The following PCDH15 variants were observed in gnomAD, a reference collection of about 807,000 sequenced individuals.
The protein encoded by PCDH15 is protocadherin-15.
Under a neutral mutation model 178.5 loss-of-function variants are expected in PCDH15, and 129 were observed. The ratio of observed to expected loss-of-function variants is 0.72; its 90% CI spans 0.63 to 0.84. The LOEUF (loss-of-function observed/expected upper bound fraction) is 0.84. PCDH15 is among the 40% of genes least tolerant of loss of function. PCDH15 has a pLI of 0.00. For synonymous variants in PCDH15, 800 were observed against 732.0 expected (o/e 1.09, Z -1.50); for missense variants, 2,230 against 2,099.9 (o/e 1.06, Z -1.21).
intron 10 of PCDH15, among the ~76,000 whole-genome samples, chr10:54,200,211 G>A (rs1402148600): frequency 6.7e-6 from 1 of 148,854 alleles, no homozygotes; most frequent in Non-Finnish European, 1.5e-5. Flanking sequence ...TAAATTCTAG[G>A]ATAGAAGAAA....
chr10:54,873,696 T>TTTAC (rs372183535), intron 3 of PCDH15, among the ~76,000 whole-genome samples: 928 of 40,916 alleles, frequency 0.023, 14 homozygotes, highest in African/African-American at 0.095. Context: ...TGCTGTATTT[T>TTTAC]ATATATATAT....
At chr10:55,313,207 T>C (rs1015695339) in intron 1 of PCDH15, among the ~76,000 whole-genome samples, 5 of 151,962 alleles carry the variant, frequency 3.3e-5, no homozygotes, top group African/African-American at 4.8e-5. Context: ...GAGGAGAAGA[T>C]ATTGAAAAAA....
At chr10:54,744,819 G>A (rs947346516) in intron 1 of PCDH15, among the ~76,000 whole-genome samples, 26 of 152,112 alleles carry the variant, frequency 1.7e-4, no homozygotes, top group African/African-American at 6.3e-4. Context: ...TTTTGTGGCC[G>A]ATTTAAGCAG....
chr10:55,193,482 G>C (rs1289744899), intron 1 of PCDH15, among the ~76,000 whole-genome samples: 1 of 151,898 alleles, frequency 6.6e-6, no homozygotes, highest in African/African-American at 2.4e-5. Context: ...GCTTTACATT[G>C]ATTTAAAACA....
At chr10:54,326,272 T>C (rs1267608779) in intron 7 of PCDH15, among the ~76,000 whole-genome samples, 3 of 152,174 alleles carry the variant, frequency 2.0e-5, no homozygotes, top group African/African-American at 7.2e-5. Context: ...ATGAGCATCC[T>C]TCTTTATCAT....
chr10:53,968,241 G>C (rs954768109), intron 21 of PCDH15, among the ~76,000 whole-genome samples: 6 of 152,306 alleles, frequency 3.9e-5, no homozygotes, highest in East Asian at 1.9e-4. Context: ...CACCCATGAA[G>C]CCTCACTCAC....
intron 2 of PCDH15, among the ~76,000 whole-genome samples, chr10:55,554,732 G>A (rs1240036022): frequency 1.3e-5 from 2 of 151,998 alleles, no homozygotes; most frequent in Admixed American, 1.3e-4. Flanking sequence ...TAAAATGAGG[G>A]ACAACCATAT....
intron 3 of PCDH15, among the ~76,000 whole-genome samples, chr10:54,409,221 G>A (rs1440014669): frequency 6.6e-6 from 1 of 152,228 alleles, no homozygotes; most frequent in South Asian, 2.1e-4. Flanking sequence ...AAATCGTCCA[G>A]TCTCAGGTAT....
intron 2 of PCDH15, among the ~76,000 whole-genome samples, chr10:55,449,696 A>T (rs140726683): frequency 5.3e-5 from 8 of 152,306 alleles, no homozygotes; most frequent in African/African-American, 1.4e-4. Context: ...GATACCTATT[A>T]GGACTATCAC....
intron 1 of PCDH15, among the ~76,000 whole-genome samples, chr10:55,261,951 T>C (rs1450970256): frequency 2.0e-5 from 3 of 149,890 alleles, no homozygotes; most frequent in Admixed American, 1.3e-4. Flanking sequence ...ATGGAAAGCC[T>C]CTAATTTCTG....
At chr10:54,573,350 A>G (rs1350427482) in intron 2 of PCDH15, among the ~76,000 whole-genome samples, 2 of 152,268 alleles carry the variant, frequency 1.3e-5, no homozygotes, top group South Asian at 2.1e-4. Context: ...TGTGTTTACA[A>G]TAAGGTATTT....
intron 9 of PCDH15, among the ~76,000 whole-genome samples, chr10:54,228,022 C>T (rs2053638808): frequency 2.6e-5 from 4 of 152,152 alleles, no homozygotes; most frequent in African/African-American, 7.2e-5. Context: ...TTTCTCGCAT[C>T]TTCCTATCTT....
intron 27 of PCDH15, among the ~76,000 whole-genome samples, chr10:53,860,524 A>G (rs1472969787): frequency 1.3e-5 from 2 of 152,128 alleles, no homozygotes; most frequent in Admixed American, 1.3e-4. Context: ...TGAGGCCAAG[A>G]GTTTGAGAGC....
intron 23 of PCDH15, among the ~76,000 whole-genome samples, chr10:53,953,201 T>C (rs1303787717): frequency 6.6e-6 from 1 of 152,248 alleles, no homozygotes; most frequent in East Asian, 1.9e-4. Flanking sequence ...AGGAATAGTA[T>C]ACAGTATGAA....
intron 1 of PCDH15, among the ~76,000 whole-genome samples, chr10:54,685,199 T>C (rs564354989): frequency 6.6e-6 from 1 of 152,156 alleles, no homozygotes; most frequent in South Asian, 2.1e-4. Context: ...GGAGCTGTCA[T>C]CTCCTATGAT....
chr10:55,087,763 A>G (rs1591892755), intron 2 of PCDH15, among the ~76,000 whole-genome samples: 1 of 152,136 alleles, frequency 6.6e-6, no homozygotes. Context: ...AGGATATCTT[A>G]AGCCCCAGAA....
chr10:55,183,357 A>G (rs1591972349), intron 1 of PCDH15, among the ~76,000 whole-genome samples: 1 of 151,936 alleles, frequency 6.6e-6, no homozygotes, highest in South Asian at 2.1e-4. Context: ...ATTATCATTG[A>G]TGAAATAAAA....
intron 3 of PCDH15, among the ~76,000 whole-genome samples, chr10:54,515,617 C>G (rs7087574): frequency 0.17 from 25,507 of 152,198 alleles, 2,461 homozygotes; most frequent in East Asian, 0.44. Flanking sequence ...TTGTCTGACA[C>G]CTTTGAAGAG....
chr10:54,136,053 C>G (rs1279766011), intron 14 of PCDH15, among the ~76,000 whole-genome samples: 1 of 152,114 alleles, frequency 6.6e-6, no homozygotes, highest in Non-Finnish European at 1.5e-5. Flanking sequence ...TAGCTACATC[C>G]TTTATAATAC....
Sources: allele counts gnomAD v4.1 joint callset (sites outside exome capture counted in the v4.1 genomes callset), GRCh38; gene constraint gnomAD v4.1.1; transcripts MANE v1.5; gene names NCBI Gene and HGNC (gene_info 2026-07-23, HGNC 2026-07-21).